HTR4: variants seen among roughly 807,000 people sequenced by gnomAD.
HTR4 encodes the protein 5-hydroxytryptamine (serotonin) receptor 4, G protein-coupled.
Under a neutral mutation model 36.8 loss-of-function variants are expected in HTR4, and 16 were observed. The ratio of observed to expected loss-of-function variants is 0.43; its 90% CI spans 0.29 to 0.66. HTR4 has a LOEUF of 0.66. Among genes scored for constraint, HTR4 ranks in the 30% least tolerant of loss-of-function variants. The pLI is 0.13. For synonymous variants in HTR4, 189 were observed against 185.1 expected, an observed-to-expected ratio of 1.02 and a Z score of -0.17; for missense variants, 438 against 490.9, an observed-to-expected ratio of 0.89 and a Z score of 1.02.
At chr5:148,478,632 A>C (rs182450288), downstream of HTR4, among the ~76,000 whole-genome samples, 575 of 152,274 alleles carry the variant, frequency 3.8e-3, 4 homozygotes, top group African/African-American at 0.013. Context: ...TAGGCTCCCA[A>C]GAACATTCCA....
downstream of HTR4, among the ~76,000 whole-genome samples, chr5:148,474,303 A>G (rs973650385): frequency 2.0e-5 from 3 of 152,096 alleles, no homozygotes; most frequent in South Asian, 2.1e-4. Context: ...AGCGATCGCT[A>G]TAAGGCTTTG....
intron 2 of HTR4, among the ~76,000 whole-genome samples, chr5:148,607,867 G>A (rs1438309483): frequency 6.6e-6 from 1 of 152,152 alleles, no homozygotes; most frequent in Non-Finnish European, 1.5e-5. Flanking sequence ...CAACTTTAGG[G>A]AAGTCAAAAT....
intron 2 of HTR4, among the ~76,000 whole-genome samples, chr5:148,620,714 T>C (rs1315785411): frequency 6.6e-6 from 1 of 152,244 alleles, no homozygotes; most frequent in Non-Finnish European, 1.5e-5. Context: ...ATCACATATG[T>C]GGCTAGCATC....
intron 2 of HTR4, among the ~76,000 whole-genome samples, chr5:148,633,036 C>T (rs564240858): frequency 6.6e-6 from 1 of 152,196 alleles, no homozygotes; most frequent in East Asian, 1.9e-4. Flanking sequence ...CTGCCTCCTC[C>T]GGAGCCTTGA....
chr5:148,517,576 C>T (rs946681035), intron 5 of HTR4, among the ~76,000 whole-genome samples: 1 of 151,896 alleles, frequency 6.6e-6, no homozygotes, highest in Non-Finnish European at 1.5e-5. Flanking sequence ...GTTGCTCTGT[C>T]CAAAATTTTG....
intron 2 of HTR4, among the ~76,000 whole-genome samples, chr5:148,585,183 C>T (rs566588129): frequency 2.6e-5 from 4 of 152,276 alleles, no homozygotes; most frequent in South Asian, 4.1e-4. Context: ...TAAAATGGCA[C>T]ATTGCAAGCC....
chr5:148,583,841 G>A (rs1438698241), intron 2 of HTR4, among the ~76,000 whole-genome samples: 1 of 152,070 alleles, frequency 6.6e-6, no homozygotes, highest in African/African-American at 2.4e-5. Context: ...ATACCCCAAG[G>A]AGGGCTGTGG....
intron 5 of HTR4, chr5:148,451,295 A>C (rs759706410): frequency 1.2e-6 from 2 of 1,613,462 alleles, no homozygotes; most frequent in Admixed American, 3.3e-5. Flanking sequence ...GAAAGAAGGC[A>C]TGAGAATTCA....
chr5:148,489,153 A>G (rs1243493116), intron 6 of HTR4, among the ~76,000 whole-genome samples: 1 of 152,222 alleles, frequency 6.6e-6, no homozygotes, highest in Non-Finnish European at 1.5e-5. Flanking sequence ...AAACACAGCC[A>G]ATATTTACTG....
At position 148,516,312 on chromosome 5, in the gene HTR4, CTTT is replaced by C. The variant is rs954784476; in HGVS notation, c.508-6291_508-6289del. The stretch of plus-strand genomic sequence containing the variant: ...CAGTATTTCCATTCAATTCCCCCCT[CTTT>C]TTTTTTTTTTTTTTTTTTTTTTGAG... On this transcript the variant is annotated intron_variant, in intron 5 of 6. Transcript: ENST00000377888. Among the ~76,000 whole-genome samples the C allele has an allele frequency of 6.7e-3, 514 of 76,448 alleles. 3 individuals are homozygous for C. Among genetic ancestry groups the C allele is most frequent in the Middle Eastern group, 0.066 (5 of 76 alleles). The allele number at this position is 76,448 out of a possible 152,430, so 50.2% of individuals were successfully genotyped here.
intron 2 of HTR4, 54 bp from the exon 3 acceptor site, chr5:148,550,316 G>A: frequency 6.2e-7 from 1 of 1,603,324 alleles, no homozygotes; most frequent in Non-Finnish European, 8.5e-7. Context: ...GACACAAGAA[G>A]GAAAATTCGT....
chr5:148,500,941 T>C lies in HTR4; in HGVS notation c.1076+8515A>G, dbSNP rs117742185. Among the ~76,000 whole-genome samples the C allele has an allele frequency of 1.0e-3, 157 of 152,286 alleles. 3 individuals are homozygous for C. In the East Asian group the frequency reaches 0.027, roughly 27 times the overall value. On this transcript the variant is annotated intron_variant, in intron 6 of 6. Coordinates refer to ENST00000377888, the MANE Select transcript of HTR4 (RefSeq NM_000870.7). ...ACAGTGTGTTAGGATGCCAATATTA[T>C]AGTAAACATAAACATTTTAAATGAG...
intron 2 of HTR4, among the ~76,000 whole-genome samples, chr5:148,634,730 A>G (rs1284364336): frequency 6.6e-6 from 1 of 152,180 alleles, no homozygotes; most frequent in Non-Finnish European, 1.5e-5. Context: ...GCCCCTTCCC[A>G]AACAGAGCCC....
At chr5:148,595,591 A>G (rs1212606386) in intron 2 of HTR4, among the ~76,000 whole-genome samples, 1 of 152,166 alleles carries the variant, frequency 6.6e-6, no homozygotes, top group Non-Finnish European at 1.5e-5. Context: ...TAACAGGAAA[A>G]GTCTTCATAT....
At chr5:148,545,161 G>T (rs921810131) in intron 4 of HTR4, among the ~76,000 whole-genome samples, 1 of 152,216 alleles carries the variant, frequency 6.6e-6, no homozygotes, top group Non-Finnish European at 1.5e-5. Flanking sequence ...TTGGGACAGG[G>T]AAAGCTGGAG....
At chr5:148,579,183 GCC>G in intron 2 of HTR4, among the ~76,000 whole-genome samples, 1 of 152,032 alleles carries the variant, frequency 6.6e-6, no homozygotes, top group East Asian at 1.9e-4. Context: ...TTTAAGTTGA[GCC>G]TGGGGGCACA....
chr5:148,562,675 T>C (rs1345697), intron 2 of HTR4, among the ~76,000 whole-genome samples: 87,318 of 152,004 alleles, frequency 0.57, 26,506 homozygotes, highest in African/African-American at 0.79. Context: ...TTTAACATGT[T>C]CAAAATTGAA....
chr5:148,518,600 T>A (rs969906365), intron 5 of HTR4, among the ~76,000 whole-genome samples: 4 of 152,166 alleles, frequency 2.6e-5, no homozygotes, highest in African/African-American at 9.7e-5. Context: ...GCAAATAATG[T>A]CATTCCTCTC....
rs971641982 is a variant in HTR4 at position 148,613,184 on chromosome 5, G to A, written c.26+23805C>T. On this transcript the variant is annotated intron_variant, in intron 2 of 6. Coordinates refer to ENST00000377888, the MANE Select transcript of HTR4 (RefSeq NM_000870.7). ...AATCCTCCCTAACTCATTTTATGAG[G>A]CCAGCATCATTCTGATATCAAAGCC... 2.6e-3 allele frequency among the ~76,000 whole-genome samples: 386 copies of A among 151,226 alleles called. 4 individuals are homozygous for A. Among genetic ancestry groups the A allele is most frequent in the African/African-American group, 7.8e-3 (320 of 41,008 alleles).
Sources: allele counts gnomAD v4.1 joint callset (sites outside exome capture counted in the v4.1 genomes callset), GRCh38; gene constraint gnomAD v4.1.1; transcripts MANE v1.5; gene names NCBI Gene and HGNC (gene_info 2026-07-23, HGNC 2026-07-21).